Variants in GRIN2B observed in about 807,000 individuals in gnomAD.
GRIN2B encodes glutamate receptor ionotropic, NMDA 2B.
In GRIN2B, 5 loss-of-function variants were observed where a neutral mutation model predicts 114.5. The observed-to-expected ratio is 0.04, with a 90% CI of 0.02 to 0.09. The LOEUF (loss-of-function observed/expected upper bound fraction) is 0.09. Ranked by LOEUF, GRIN2B falls within the 10% of genes least tolerant of loss-of-function variation. The pLI is 1.00. For synonymous variants in GRIN2B, 787 were observed against 745.1 expected (o/e 1.06, Z -0.92); for missense variants, 1,108 against 1,943.5 (o/e 0.57, Z 8.08).
At chr12:13,710,046 T>C (rs904520966) in intron 4 of GRIN2B, among the ~76,000 whole-genome samples, 6 of 151,906 alleles carry the variant, frequency 3.9e-5, no homozygotes, top group African/African-American at 1.2e-4. Context: ...CAGAAAACAA[T>C]AAATTCTGTT....
At position 13,564,153 on chromosome 12, in the gene GRIN2B, A is replaced by G; in HGVS notation, c.3085T>C (p.Ser1029Pro). 6.2e-7 allele frequency: 1 copy of G among 1,613,828 alleles called. No homozygotes were observed. The highest frequency in any genetic ancestry group is 8.5e-7 in the Non-Finnish European group (1 of 1,179,938). ...TCACTGAGCTGGCTGTGCTTGGAGG[A>G]GGGGAGGCCGATGTCCAGGGGCTTC... ...SKKPLDIGLP[S>P]SKHSQLSDLY... Residue 1029 changes from serine to proline, a missense_variant, in exon 14 of 14, where the codon TCC (serine) becomes CCC (proline). Ser to Pro is a moderately conservative substitution (Grantham distance 74). Around this residue, in one of 19 missense-constraint regions of GRIN2B, gnomAD observed 140 missense variants for 187.5 expected, o/e 0.75. Transcript: ENST00000609686. This position sits in a 1 kb window ranked among gnomAD's most constrained non-coding sequence, Gnocchi z 4.8.
chr12:13,624,463 G>A (rs1207938010), intron 5 of GRIN2B, among the ~76,000 whole-genome samples: 1 of 152,210 alleles, frequency 6.6e-6, no homozygotes, highest in African/African-American at 2.4e-5. Flanking sequence ...AAGTGCAATG[G>A]CACAATCTGC....
intron 3 of GRIN2B, among the ~76,000 whole-genome samples, chr12:13,855,799 C>G (rs1388612788): frequency 6.6e-6 from 1 of 152,166 alleles, no homozygotes; most frequent in Non-Finnish European, 1.5e-5. Context: ...ATTTATGGTT[C>G]CAAGGGTTAA....
rs188954801 is a variant in GRIN2B, at chr12:13,694,577, A to T, written c.1011-18718T>A. ...CTAGTAAGTGACAGACTGGAATTAA[A>T]ATTGAGGTTTACCCCAAAATTATAC... On this transcript the variant is annotated intron_variant, in intron 4 of 13. Coordinates refer to ENST00000609686, the MANE Select transcript of GRIN2B (RefSeq NM_000834.5). 1.7e-3 allele frequency among the ~76,000 whole-genome samples: 249 copies of T among 148,198 alleles called. 2 individuals are homozygous for T. The highest frequency in any genetic ancestry group is 5.7e-3 in the African/African-American group (228 of 40,178).
chr12:13,829,866 G>A (rs148966053), intron 3 of GRIN2B, among the ~76,000 whole-genome samples: 1 of 152,310 alleles, frequency 6.6e-6, no homozygotes, highest in East Asian at 1.9e-4. Context: ...CTTAAAGAAA[G>A]GACCTGCCTC....
At chr12:13,680,659 A>G (rs80274075) in intron 4 of GRIN2B, among the ~76,000 whole-genome samples, 4,792 of 152,172 alleles carry the variant, frequency 0.031, 262 homozygotes, top group African/African-American at 0.11. Flanking sequence ...AGGTCCCAAG[A>G]TGCAAAACAA....
At position 13,567,181 on chromosome 12, in the gene GRIN2B, G is replaced by A. The variant is rs772903335; in HGVS notation, c.2442C>T (p.Asp814=). The A allele has an allele frequency of 3.1e-6, 5 of 1,614,128 alleles. No homozygotes were observed. In the Admixed American group the frequency reaches 8.3e-5, roughly 27 times the overall value. ...AGAAGACCCCTGCCATGTTGTCAAT[G>A]TCCAGCTGGCTGCTCATGACCTCAT... The part of the protein sequence containing the change: ...EKNEVMSSQL[D]IDNMAGVFYM... The change falls in exon 13 of 14, where the codon GAC becomes GAT. Residue 814 remains aspartate, a synonymous_variant. Coordinates refer to ENST00000609686, the MANE Select transcript of GRIN2B (RefSeq NM_000834.5).
At position 13,560,054 on chromosome 12, in the gene GRIN2B, T is replaced by C. The variant is rs1365721013; in HGVS notation, c.*2729A>G. The C allele has an allele frequency of 6.6e-6, 1 of 152,184 alleles. No homozygotes were observed. The highest frequency in any genetic ancestry group is 2.4e-5 in the African/African-American group (1 of 41,426). The allele number at this position is 152,184 out of a possible 1,614,324, so 9.4% of individuals were successfully genotyped here. On this transcript the variant is annotated 3_prime_UTR_variant, in exon 14 of 14. Transcript: ENST00000609686. ...GGTAACCTAGGGTCTACCTAGAAGA[T>C]AGGAGTCAGACCTGGGGTTTGCTTA...
At chr12:13,638,444 A>G (rs768323720) in intron 5 of GRIN2B, among the ~76,000 whole-genome samples, 9 of 152,128 alleles carry the variant, frequency 5.9e-5, no homozygotes, top group African/African-American at 1.2e-4. Context: ...ATGTCCATGC[A>G]AACAGAAGGG....
intron 4 of GRIN2B, among the ~76,000 whole-genome samples, chr12:13,701,518 AAAAAAAAAAAAG>A (rs1484454693): frequency 6.6e-6 from 1 of 151,112 alleles, no homozygotes; most frequent in Non-Finnish European, 1.5e-5. Flanking sequence ...TGGCACAAAA[AAAAAAAAAAAAG>A]AAAAAAAAAC....
At chr12:13,893,399 A>G (rs77384356) in intron 2 of GRIN2B, among the ~76,000 whole-genome samples, 3,970 of 152,308 alleles carry the variant, frequency 0.026, 83 homozygotes, top group South Asian at 0.052. Context: ...TTTTAATAAA[A>G]TAGAAAAATC....
At chr12:13,588,939 T>C (rs987478692) in intron 10 of GRIN2B, among the ~76,000 whole-genome samples, 2 of 152,208 alleles carry the variant, frequency 1.3e-5, no homozygotes, top group Admixed American at 6.5e-5. Flanking sequence ...CTCTGTTGTA[T>C]TTACCATCCT....
chr12:13,928,804 G>A (rs1361716880), intron 2 of GRIN2B, among the ~76,000 whole-genome samples: 2 of 152,188 alleles, frequency 1.3e-5, no homozygotes, highest in Non-Finnish European at 2.9e-5. Context: ...AGATAAAACT[G>A]AAACCCTATA....
intron 3 of GRIN2B, among the ~76,000 whole-genome samples, chr12:13,798,510 T>C (rs959867852): frequency 2.0e-5 from 3 of 152,164 alleles, no homozygotes; most frequent in Non-Finnish European, 4.4e-5. Flanking sequence ...GAGTACAATA[T>C]AGAATTATGT....
chr12:13,559,839 C>T lies in GRIN2B; in HGVS notation c.*2944G>A, dbSNP rs1948519810. On this transcript the variant is annotated 3_prime_UTR_variant, in exon 14 of 14. Coordinates refer to ENST00000609686, the MANE Select transcript of GRIN2B (RefSeq NM_000834.5). The stretch of plus-strand genomic sequence containing the variant: ...GAAGAAAAGACTCAGATGACTGAGA[C>T]GATTGTTTCAGCATCAGAGGAGGCC... 1 of 152,142 alleles carries T rather than the reference C, an allele frequency of 6.6e-6. No homozygotes were observed. The highest frequency in any genetic ancestry group is 2.1e-4 in the South Asian group (1 of 4,834). 9.4% of individuals were successfully genotyped at this position (152,142 alleles called of 1,614,324 possible).
At position 13,605,520 on chromosome 12, in the gene GRIN2B, G is replaced by GTCTCTCTCTCTCTCTCTCTCTCTCTC. The variant is rs3081918; in HGVS notation, c.2010+3057_2010+3082dup. Reference sequence around the variant, plus strand: ...GAAATTATTTGCAAAGGTCTTGAAAGTCTCTCTCTCTCTCTCTCTCTCTCT... The same window carrying GTCTCTCTCTCTCTCTCTCTCTCTCTC: ...GAAATTATTTGCAAAGGTCTTGAAAGTCTCTCTCTCTCTCTCTCTCTCTCTCTCTCTCTCTCTCTCTCTCTCTCTCT... On this transcript the variant is annotated intron_variant, in intron 10 of 13. Transcript: ENST00000609686. Among the ~76,000 whole-genome samples, 262 of 114,916 alleles carry GTCTCTCTCTCTCTCTCTCTCTCTCTC rather than the reference G, an allele frequency of 2.3e-3. 5 individuals are homozygous for GTCTCTCTCTCTCTCTCTCTCTCTCTC. The highest frequency in any genetic ancestry group is 3.4e-3 in the Non-Finnish European group (189 of 56,392). The allele number at this position is 114,916 out of a possible 152,430, so 75.4% of individuals were successfully genotyped here.
At chr12:13,974,961 T>G (rs1258443728) in intron 2 of GRIN2B, among the ~76,000 whole-genome samples, 1 of 151,570 alleles carries the variant, frequency 6.6e-6, no homozygotes, top group Non-Finnish European at 1.5e-5. Flanking sequence ...AAGAGAGGAA[T>G]CAGTTATGAG....
chr12:13,569,028 A>G (rs1433671285), intron 12 of GRIN2B, among the ~76,000 whole-genome samples: 1 of 152,172 alleles, frequency 6.6e-6, no homozygotes, highest in Non-Finnish European at 1.5e-5. Flanking sequence ...TGGGCACATA[A>G]AGAGCAGAGA....
At chr12:13,688,915 C>A (rs887254523) in intron 4 of GRIN2B, among the ~76,000 whole-genome samples, 4 of 152,210 alleles carry the variant, frequency 2.6e-5, no homozygotes, top group African/African-American at 9.6e-5. Context: ...GATCTCTCCA[C>A]AGATTCACAC....
Sources: gnomAD v4.1 joint callset for allele counts (sites outside exome capture counted in the v4.1 genomes callset) on GRCh38, gnomAD v4.1.1 for gene constraint, gnomAD v4.1.1 regional missense constraint, Gnocchi (gnomAD v3.1) non-coding constraint, MANE v1.5 for transcripts, NCBI Gene and HGNC (gene_info 2026-07-23, HGNC 2026-07-21) for gene names.